The following LRRC7 variants were observed in gnomAD, a reference collection of about 807,000 sequenced individuals.
LRRC7 encodes the protein leucine rich repeat containing 7.
LRRC7 carries 23 observed loss-of-function variants against 175.7 expected under a neutral mutation model. That is an observed-to-expected ratio of 0.13 (90% confidence interval 0.09 to 0.19). The LOEUF is 0.19. Among genes scored for constraint, LRRC7 ranks in the 10% least tolerant of loss-of-function variants. The probability of loss-of-function intolerance (pLI) is 1.00; values close to 1 mark genes in which losing one functional copy is unlikely to be tolerated. For missense variants in LRRC7, 1,354 were observed against 1,904.7 expected, an observed-to-expected ratio of 0.71 and a Z score of 5.38; for synonymous variants, 685 against 680.9, an observed-to-expected ratio of 1.01 and a Z score of -0.09.
At chr1:69,689,795 C>T (rs934978558) in intron 2 of LRRC7, among the ~76,000 whole-genome samples, 1 of 152,040 alleles carries the variant, frequency 6.6e-6, no homozygotes, top group African/African-American at 2.4e-5. Flanking sequence ...CTATTAATAC[C>T]TCGGGTTCCA....
At chr1:69,668,184 T>C (rs1267581278) in intron 1 of LRRC7, among the ~76,000 whole-genome samples, 2 of 152,220 alleles carry the variant, frequency 1.3e-5, no homozygotes, top group Non-Finnish European at 2.9e-5. Context: ...CTGGGATACA[T>C]GTGCAGAATG....
At chr1:69,702,824 A>T (rs1420317291) in intron 2 of LRRC7, among the ~76,000 whole-genome samples, 1 of 152,152 alleles carries the variant, frequency 6.6e-6, no homozygotes, top group African/African-American at 2.4e-5. Flanking sequence ...TATAGATAGT[A>T]TCCTAGGCAC....
intron 22 of LRRC7, among the ~76,000 whole-genome samples, chr1:70,052,045 G>A (rs997794685): frequency 1.1e-4 from 16 of 151,944 alleles, no homozygotes; most frequent in African/African-American, 3.6e-4. Context: ...TTATCAGTAG[G>A]GATCCTTTAG....
At chr1:69,691,729 T>A (rs1661888238) in intron 2 of LRRC7, among the ~76,000 whole-genome samples, 1 of 140,462 alleles carries the variant, frequency 7.1e-6, no homozygotes, top group Admixed American at 7.7e-5. Context: ...GCCTGGGAGG[T>A]CGAGGCTGCA....
At chr1:69,961,770 C>A (rs1332446181) in intron 8 of LRRC7, among the ~76,000 whole-genome samples, 1 of 152,216 alleles carries the variant, frequency 6.6e-6, no homozygotes, top group Non-Finnish European at 1.5e-5. Flanking sequence ...GCTGGGATAA[C>A]TGGCTAGCCA....
At chr1:69,695,296 A>G (rs1209904027) in intron 2 of LRRC7, among the ~76,000 whole-genome samples, 1 of 152,226 alleles carries the variant, frequency 6.6e-6, no homozygotes, top group Non-Finnish European at 1.5e-5. Flanking sequence ...GACTTAGAGT[A>G]TCTGGCAGAA....
intron 7 of LRRC7, among the ~76,000 whole-genome samples, chr1:69,843,854 T>G (rs1050866134): frequency 3.9e-5 from 6 of 152,090 alleles, no homozygotes; most frequent in African/African-American, 1.4e-4. Context: ...TCAAGAAGAC[T>G]AAAGAGACTA....
At chr1:69,589,502 C>A (rs1394947448) in intron 1 of LRRC7, among the ~76,000 whole-genome samples, 5 of 152,066 alleles carry the variant, frequency 3.3e-5, no homozygotes, top group Non-Finnish European at 2.9e-5. Flanking sequence ...GTAGAGATCT[C>A]CCTTAGTCTC....
intron 7 of LRRC7, among the ~76,000 whole-genome samples, chr1:69,894,801 A>G (rs138772976): frequency 1.7e-4 from 26 of 152,356 alleles, no homozygotes; most frequent in Non-Finnish European, 3.2e-4. Context: ...TCAAAGGTAT[A>G]GAAGTAAATA....
At chr1:69,789,386 T>A (rs1418264384) in intron 3 of LRRC7, among the ~76,000 whole-genome samples, 1 of 152,118 alleles carries the variant, frequency 6.6e-6, no homozygotes, top group Non-Finnish European at 1.5e-5. Context: ...CACTAACAGT[T>A]TTACTCTAAT....
intron 3 of LRRC7, among the ~76,000 whole-genome samples, chr1:69,764,730 C>CAGAT (rs112836690): frequency 0.1 from 14,629 of 139,996 alleles, 819 homozygotes; most frequent in Middle Eastern, 0.12. Flanking sequence ...GATAGATAGA[C>CAGAT]AGATAGATAG....
At chr1:69,583,781 G>C (rs1213885119) in intron 1 of LRRC7, among the ~76,000 whole-genome samples, 1 of 152,054 alleles carries the variant, frequency 6.6e-6, no homozygotes, top group East Asian at 1.9e-4. Context: ...GTACAAATAG[G>C]GCTGCATTGC....
At chr1:69,791,911 A>C (rs1675167625) in intron 3 of LRRC7, 132 bp from the exon 4 acceptor site, 1 of 587,308 alleles carries the variant, frequency 1.7e-6, no homozygotes. Flanking sequence ...ATGAGTATGG[A>C]GGGAAGTGAG....
chr1:70,099,583 A>G (rs901887319), intron 25 of LRRC7, among the ~76,000 whole-genome samples: 1 of 152,194 alleles, frequency 6.6e-6, no homozygotes, highest in Non-Finnish European at 1.5e-5. Flanking sequence ...TCACTTTTCA[A>G]TTTGTGATTT....
chr1:69,906,393 G>A (rs181960262), intron 7 of LRRC7, among the ~76,000 whole-genome samples: 107 of 152,230 alleles, frequency 7.0e-4, no homozygotes, highest in African/African-American at 2.5e-3. Context: ...ATGGTTTTAC[G>A]TCTAACATGT....
intron 24 of LRRC7, among the ~76,000 whole-genome samples, chr1:70,088,083 G>C (rs1043860993): frequency 6.6e-6 from 1 of 152,046 alleles, no homozygotes; most frequent in Non-Finnish European, 1.5e-5. Flanking sequence ...GGTAAAAATG[G>C]GCTACTTAAG....
intron 1 of LRRC7, among the ~76,000 whole-genome samples, chr1:69,674,288 A>G (rs59103514): frequency 0.11 from 16,414 of 152,202 alleles, 940 homozygotes; most frequent in African/African-American, 0.13. Context: ...AGCAACTAGA[A>G]AAGTCCAGAA....
At chr1:69,929,265 A>C (rs569706399) in intron 7 of LRRC7, among the ~76,000 whole-genome samples, 2 of 152,294 alleles carry the variant, frequency 1.3e-5, no homozygotes, top group African/African-American at 4.8e-5. Flanking sequence ...TGTCTTTCCT[A>C]GACTCTTTTC....
chr1:69,921,669 A>T (rs554246169), intron 7 of LRRC7, among the ~76,000 whole-genome samples: 119 of 152,294 alleles, frequency 7.8e-4, no homozygotes, highest in Non-Finnish European at 1.4e-3. Context: ...ACAGTCTGTT[A>T]TCTGGCCTTA....
Sources: allele counts gnomAD v4.1 joint callset (sites outside exome capture counted in the v4.1 genomes callset), GRCh38; gene constraint gnomAD v4.1.1; transcripts MANE v1.5; gene names NCBI Gene and HGNC (gene_info 2026-07-23, HGNC 2026-07-21).